Variants in C8orf34 observed in about 807,000 individuals in gnomAD.
C8orf34 encodes the protein chromosome 8 open reading frame 34.
Under a neutral mutation model 68.3 loss-of-function variants are expected in C8orf34, and 65 were observed. That is an observed-to-expected ratio of 0.95 (90% CI 0.78 to 1.17). The LOEUF (loss-of-function observed/expected upper bound fraction) is 1.17, where lower values mean the gene tolerates loss of function less well. Ranked by LOEUF, C8orf34 falls within the 50% of genes most tolerant of loss-of-function variation. The pLI is 0.00. For synonymous variants in C8orf34, 244 were observed against 241.2 expected, an observed-to-expected ratio of 1.01 and a Z score of -0.11; for missense variants, 664 against 655.4, an observed-to-expected ratio of 1.01 and a Z score of -0.14.
Position 68,439,376 on chromosome 8 carries a change from G to A in C8orf34, c.328-123G>A. ...GTCTGAAAAGATTGTTATAAGCATGGAGTTAGTTGCTGTATATAAAGCAGT... is the reference window on the plus strand; with the variant it reads ...GTCTGAAAAGATTGTTATAAGCATGAAGTTAGTTGCTGTATATAAAGCAGT... On this transcript the variant is annotated intron_variant, in intron 1 of 13. Transcript: ENST00000518698. 6 of 746,434 alleles carry A rather than the reference G, an allele frequency of 8.0e-6. No homozygotes were observed. In the South Asian group the frequency reaches 1.3e-4, roughly 16 times the overall value. 46.2% of individuals were successfully genotyped at this position (746,434 alleles called of 1,614,324 possible).
intron 10 of C8orf34, among the ~76,000 whole-genome samples, chr8:68,749,286 G>A (rs1188830572): frequency 2.6e-5 from 4 of 151,902 alleles, no homozygotes; most frequent in African/African-American, 9.7e-5. Context: ...TACCTAATGC[G>A]AGATGACGAG....
At chr8:68,539,764 G>T (rs1815631334) in intron 7 of C8orf34, among the ~76,000 whole-genome samples, 1 of 151,848 alleles carries the variant, frequency 6.6e-6, no homozygotes, top group South Asian at 2.1e-4. Context: ...TGAGGCAGGA[G>T]AATCACTAGA....
intron 4 of C8orf34, among the ~76,000 whole-genome samples, chr8:68,484,600 T>C (rs1170125006): frequency 1.3e-5 from 2 of 152,218 alleles, no homozygotes. Flanking sequence ...ATATGATACC[T>C]TTTAAAAGTT....
At chr8:68,343,968 C>T (rs1806178475) in intron 1 of C8orf34, among the ~76,000 whole-genome samples, 1 of 152,140 alleles carries the variant, frequency 6.6e-6, no homozygotes, top group Non-Finnish European at 1.5e-5. Context: ...CTTAAGCAAT[C>T]TGCCTGTCTC....
At position 68,434,443 on chromosome 8, in the gene C8orf34, C is replaced by T. The variant is rs199540704; in HGVS notation, c.328-5056C>T. ...TGTGTTAGTTTGCTGACAATTATGACTTCCAGCTTCGTACATGTCACTGCA... is the reference window on the plus strand; with the variant it reads ...TGTGTTAGTTTGCTGACAATTATGATTTCCAGCTTCGTACATGTCACTGCA... On this transcript the variant is annotated intron_variant, in intron 1 of 13. Transcript: ENST00000518698. Among the ~76,000 whole-genome samples the T allele has an allele frequency of 6.6e-5, 10 of 152,210 alleles. No homozygotes were observed. The East Asian group carries it at 1.7e-3, about 27-fold the overall frequency.
intron 1 of C8orf34, among the ~76,000 whole-genome samples, chr8:68,384,661 G>A (rs1808184330): frequency 6.6e-6 from 1 of 152,158 alleles, no homozygotes; most frequent in South Asian, 2.1e-4. Context: ...GATTAATCAG[G>A]CTAAAACTGG....
intron 1 of C8orf34, among the ~76,000 whole-genome samples, chr8:68,381,065 C>T (rs541484847): frequency 3.7e-4 from 57 of 152,220 alleles, no homozygotes; most frequent in African/African-American, 1.3e-3. Flanking sequence ...GAAAGCACAG[C>T]TTGAATTATT....
rs1329457481 is a variant in C8orf34, at chr8:68,475,671, T to TCCTA, written c.736+6851_736+6852insCCTA. Among the ~76,000 whole-genome samples, 116 of 152,270 alleles carry TCCTA rather than the reference T, an allele frequency of 7.6e-4. 1 individual carries two copies. In the East Asian group the frequency reaches 0.011, roughly 14 times the overall value. On this transcript the variant is annotated intron_variant, in intron 4 of 13. Coordinates refer to ENST00000518698, the MANE Select transcript of C8orf34 (RefSeq NM_052958.4). ...ATAGCTAAGTAAGCACGTAAACAAA[T>TCCTA]AAATAAACATCCTAAAAGCTAAAGA...
At chr8:68,714,318 A>G (rs986454427) in intron 9 of C8orf34, among the ~76,000 whole-genome samples, 5 of 151,884 alleles carry the variant, frequency 3.3e-5, no homozygotes, top group African/African-American at 4.8e-5. Context: ...AGTAAAGGGC[A>G]TCCAGAGGAA....
At chr8:68,429,622 C>A (rs1810370699) in intron 1 of C8orf34, among the ~76,000 whole-genome samples, 1 of 152,102 alleles carries the variant, frequency 6.6e-6, no homozygotes, top group Admixed American at 6.6e-5. Context: ...ACTCAAATAC[C>A]TTTAATAGTA....
chr8:68,595,186 A>AC (rs1817508905), intron 7 of C8orf34, among the ~76,000 whole-genome samples: 1 of 150,676 alleles, frequency 6.6e-6, no homozygotes, highest in Non-Finnish European at 1.5e-5. Context: ...ACTGACACTT[A>AC]CCCCCCAAAT....
chr8:68,684,709 C>T (rs1232257836), intron 8 of C8orf34, among the ~76,000 whole-genome samples: 1 of 151,758 alleles, frequency 6.6e-6, no homozygotes, highest in African/African-American at 2.4e-5. Context: ...AAATCGAGCT[C>T]ATTTCTTTAA....
At chr8:68,811,441 C>G (rs1242068587) in intron 12 of C8orf34, among the ~76,000 whole-genome samples, 1 of 152,198 alleles carries the variant, frequency 6.6e-6, no homozygotes, top group African/African-American at 2.4e-5. Flanking sequence ...GGCGGGGCTC[C>G]CACCCTGCCA....
At chr8:68,731,333 G>T (rs1199002072) in intron 10 of C8orf34, among the ~76,000 whole-genome samples, 1 of 152,022 alleles carries the variant, frequency 6.6e-6, no homozygotes, top group East Asian at 1.9e-4. Flanking sequence ...GACCATATTT[G>T]TGTTCTGAAT....
rs188496726 is a variant in C8orf34, at chr8:68,688,445, A to G, written c.1242-20549A>G. On this transcript the variant is annotated intron_variant, in intron 8 of 13. Transcript: ENST00000518698. ...TCAAGGATCTAGAACCAGAAATACC[A>G]CTTGACCCAGCAATCCCATTACTGG... is the stretch of plus-strand genomic sequence containing the variant. 5.3e-5 allele frequency among the ~76,000 whole-genome samples: 8 copies of G among 152,168 alleles called. No homozygotes were observed. The East Asian group carries it at 1.4e-3, about 26-fold the overall frequency.
In C8orf34 at chr8:68,604,932, G is replaced by C. The variant is rs182956858; in HGVS notation, c.1106-35444G>C. On this transcript the variant is annotated intron_variant, in intron 7 of 13. Transcript: ENST00000518698. Reference sequence around the variant, plus strand: ...ACATAAAGACAAGAGGCACTGACTGGGTAAAAATATTTGCAAAAGGCATAT... The same window carrying C: ...ACATAAAGACAAGAGGCACTGACTGCGTAAAAATATTTGCAAAAGGCATAT... Among the ~76,000 whole-genome samples the C allele has an allele frequency of 1.6e-3, 241 of 151,968 alleles. 1 individual carries two copies. Among genetic ancestry groups the C allele is most frequent in the African/African-American group, 5.3e-3 (220 of 41,448 alleles).
chr8:68,688,081 C>T (rs1820574786), intron 8 of C8orf34, among the ~76,000 whole-genome samples: 1 of 151,966 alleles, frequency 6.6e-6, no homozygotes. Context: ...GATGGGACAC[C>T]ACCTTACTCC....
chr8:68,774,329 G>GTATATATATATA (rs1237765866), intron 10 of C8orf34, among the ~76,000 whole-genome samples: 9 of 126,932 alleles, frequency 7.1e-5, no homozygotes, highest in South Asian at 2.4e-4. Context: ...ATGGGTGTGT[G>GTATATATATATA]TGTATATATA....
chr8:68,544,100 C>T (rs762194543), intron 7 of C8orf34, among the ~76,000 whole-genome samples: 2 of 152,024 alleles, frequency 1.3e-5, no homozygotes, highest in Non-Finnish European at 2.9e-5. Flanking sequence ...TTGTTGAACA[C>T]CAAAAGAAGA....
Sources: gnomAD v4.1 joint callset for allele counts (sites outside exome capture counted in the v4.1 genomes callset) on GRCh38, gnomAD v4.1.1 for gene constraint, MANE v1.5 for transcripts, NCBI Gene and HGNC (gene_info 2026-07-23, HGNC 2026-07-21) for gene names.